SCD: variants seen among roughly 807,000 people sequenced by gnomAD.
SCD encodes the protein stearoyl-CoA desaturase, also known as acyl-CoA desaturase.
SCD carries 4 observed loss-of-function variants against 35.7 expected under a neutral mutation model. The observed-to-expected ratio is 0.11, with a 90% CI of 0.06 to 0.26. The LOEUF (loss-of-function observed/expected upper bound fraction) is 0.26, where lower values mean the gene tolerates loss of function less well. SCD is among the 10% of genes least tolerant of loss of function. The pLI is 1.00. For synonymous variants in SCD, 150 were observed against 170.2 expected, an observed-to-expected ratio of 0.88 and a Z score of 0.92; for missense variants, 282 against 460.7, an observed-to-expected ratio of 0.61 and a Z score of 3.55.
At chr10:100,355,555 A>G (rs915217253) in intron 4 of SCD, among the ~76,000 whole-genome samples, 1 of 152,234 alleles carries the variant, frequency 6.6e-6, no homozygotes, top group Non-Finnish European at 1.5e-5. Flanking sequence ...TTTGAACTGC[A>G]ATGTGGCATA....
intron 2 of SCD, among the ~76,000 whole-genome samples, chr10:100,349,109 A>G (rs1849844189): frequency 6.6e-6 from 1 of 152,066 alleles, no homozygotes; most frequent in South Asian, 2.1e-4. Context: ...GCACCTTCCA[A>G]CACCAGTCCT....
In SCD at chr10:100,352,521, G is replaced by A. The variant is rs201524958; in HGVS notation, c.441+25G>A. On this transcript the variant is annotated intron_variant, in intron 3 of 5. Transcript: ENST00000370355. This position sits in a 1 kb window ranked among gnomAD's most constrained non-coding sequence, Gnocchi z 4.2. Reference sequence around the variant, plus strand: ...GGTAAGAAGTTGTCTCTGCTCAGCTGTTTGTCCTCCACACTATTAATGATC... The same window carrying A: ...GGTAAGAAGTTGTCTCTGCTCAGCTATTTGTCCTCCACACTATTAATGATC... 95 of 1,610,326 alleles carry A rather than the reference G, an allele frequency of 5.9e-5. No homozygotes were observed. The East Asian group carries it at 8.7e-4, about 15-fold the overall frequency.
chr10:100,347,957 A>C, intron 1 of SCD, 107 bp from the exon 2 acceptor site: 2 of 1,118,242 alleles, frequency 1.8e-6, no homozygotes, highest in East Asian at 4.7e-5. Context: ...GGCGCTGCGG[A>C]AGGGTCCGTA....
rs1263968441 is a variant in SCD, at chr10:100,361,330, G to A, written c.*397G>A. 5.3e-6 allele frequency: 1 copy of A among 189,624 alleles called. No homozygotes were observed. The highest frequency in any genetic ancestry group is 2.4e-5 in the African/African-American group (1 of 42,200). 11.7% of individuals were successfully genotyped at this position (189,624 alleles called of 1,614,324 possible). On this transcript the variant is annotated 3_prime_UTR_variant, in exon 6 of 6. Coordinates refer to ENST00000370355, the MANE Select transcript of SCD (RefSeq NM_005063.5). Reference sequence around the variant, plus strand: ...TAACTCTCTTTCCTTGAGCTGTTGTGAGCTTTGAAGTAGGTGGCTTGAGCT... The same window carrying A: ...TAACTCTCTTTCCTTGAGCTGTTGTAAGCTTTGAAGTAGGTGGCTTGAGCT...
intron 5 of SCD, among the ~76,000 whole-genome samples, chr10:100,357,642 TTTTC>T (rs1196828789): frequency 3.3e-5 from 5 of 152,228 alleles, no homozygotes; most frequent in African/African-American, 4.8e-5. Context: ...TTTCCTTTCA[TTTTC>T]TTTCTTTTCT....
At chr10:100,349,198 A>G (rs1297737174) in intron 2 of SCD, among the ~76,000 whole-genome samples, 1 of 152,156 alleles carries the variant, frequency 6.6e-6, no homozygotes, top group Non-Finnish European at 1.5e-5. Context: ...AATGAGGGAG[A>G]CAGTTCCCAG....
At chr10:100,348,577 G>T (rs1374028189) in intron 2 of SCD, among the ~76,000 whole-genome samples, 6 of 113,864 alleles carry the variant, frequency 5.3e-5, no homozygotes, top group Admixed American at 8.1e-5. Flanking sequence ...GTGCTTGTGG[G>T]CTTTGAAGTG....
In SCD at chr10:100,347,430, A is replaced by G. The variant is rs1255362632; in HGVS notation, c.-75A>G. 12 of 1,519,670 alleles carry G rather than the reference A, an allele frequency of 7.9e-6. No homozygotes were observed. The highest frequency in any genetic ancestry group is 3.8e-5 in the Admixed American group (2 of 52,572). The allele number at this position is 1,519,670 out of a possible 1,614,324, so 94.1% of individuals were successfully genotyped here. On this transcript the variant is annotated 5_prime_UTR_variant, in exon 1 of 6. Transcript: ENST00000370355. Reference sequence around the variant, plus strand: ...GCGTACCGGCGGGCTTCGAAACCGCAGTCCTCCGGCGACCCCGAACTCCGC... The same window carrying G: ...GCGTACCGGCGGGCTTCGAAACCGCGGTCCTCCGGCGACCCCGAACTCCGC...
In SCD at chr10:100,347,291, A is replaced by T. The variant is rs1316022588; in HGVS notation, c.-214A>T. On this transcript the variant is annotated 5_prime_UTR_variant, in exon 1 of 6. Transcript: ENST00000370355. Reference sequence around the variant, plus strand: ...GCGGATAAAAGGGGGCTGAGGAAATACCGGACACGGTCACCCGTTGCCAGC... The same window carrying T: ...GCGGATAAAAGGGGGCTGAGGAAATTCCGGACACGGTCACCCGTTGCCAGC... The T allele has an allele frequency of 6.5e-6, 4 of 618,334 alleles. No individual in the cohort carries two copies. The highest frequency in any genetic ancestry group is 1.2e-5 in the Non-Finnish European group (4 of 344,948). 38.3% of individuals were successfully genotyped at this position (618,334 alleles called of 1,614,324 possible).
Position 100,360,917 on chromosome 10 carries a change from A to T in SCD, c.1064A>T (p.Asn355Ile). The T allele has an allele frequency of 6.2e-7, 1 of 1,613,972 alleles. No individual in the cohort carries two copies. The highest frequency in any genetic ancestry group is 8.5e-7 in the Non-Finnish European group (1 of 1,179,846). ...LARIKRTGDG[N>I]YKSG ...AGGATTAAAAGAACCGGAGATGGAA[A>T]CTACAAGAGTGGCTGAGTTTGGGGT... Residue 355 changes from asparagine (N) to isoleucine (I), a missense_variant, in exon 6 of 6, where the codon AAC becomes ATC. Asn to Ile is a moderately radical substitution (Grantham distance 149). This residue lies in a region of SCD where 205 missense variants were observed against 372.3 expected (regional missense o/e 0.55). Coordinates refer to ENST00000370355, the MANE Select transcript of SCD (RefSeq NM_005063.5).
At chr10:100,358,578 G>A (rs1309325158) in intron 5 of SCD, among the ~76,000 whole-genome samples, 18 of 127,276 alleles carry the variant, frequency 1.4e-4, no homozygotes, top group Admixed American at 1.3e-3. Flanking sequence ...CGGCCTGGGC[G>A]ACAGAGCGAG....
chr10:100,348,766 A>G (rs639060), intron 2 of SCD, among the ~76,000 whole-genome samples: 9,870 of 152,264 alleles, frequency 0.065, 731 homozygotes, highest in African/African-American at 0.18. Context: ...ATAGGCTAGC[A>G]CAAGGGAAAC....
At position 100,347,372 on chromosome 10, in the gene SCD, A is replaced by C; in HGVS notation, c.-133A>C. The C allele has an allele frequency of 1.0e-6, 1 of 1,001,864 alleles. No homozygotes were observed. The highest frequency in any genetic ancestry group is 1.5e-6 in the Non-Finnish European group (1 of 646,072). 62.1% of individuals were successfully genotyped at this position (1,001,864 alleles called of 1,614,324 possible). ...TCCACGCACCGCGGCTAGCGCCGAC[A>C]ACCAGCTAGCGTGCAAGGCGCCGCG... On this transcript the variant is annotated 5_prime_UTR_variant, in exon 1 of 6. Coordinates refer to ENST00000370355, the MANE Select transcript of SCD (RefSeq NM_005063.5).
chr10:100,352,446 C>T lies in SCD; in HGVS notation c.391C>T (p.Arg131Trp), dbSNP rs201095409. The change falls in exon 3 of 6, where the codon CGG becomes TGG. Residue 131 changes from arginine (R) to tryptophan (W), a missense_variant. Transcript: ENST00000370355. The surrounding 1 kb of genome is among the most constrained non-coding windows in gnomAD (Gnocchi z 4.2). ...RLWSHRSYKA[R>W]LPLRLFLIIA... Reference sequence around the variant, plus strand: ...GTGGAGCCACCGCTCTTACAAAGCTCGGCTGCCCCTACGGCTCTTTCTGAT... The same window carrying T: ...GTGGAGCCACCGCTCTTACAAAGCTTGGCTGCCCCTACGGCTCTTTCTGAT... 1 of 1,614,098 alleles carries T rather than the reference C, an allele frequency of 6.2e-7. No individual in the cohort carries two copies. The highest frequency in any genetic ancestry group is 1.3e-5 in the African/African-American group (1 of 75,046).
chr10:100,354,276 G>A, intron 3 of SCD, 151 bp from the exon 4 acceptor site: 1 of 677,688 alleles, frequency 1.5e-6, no homozygotes, highest in Non-Finnish European at 2.5e-6. Flanking sequence ...GAGAAGAAGG[G>A]AGGCAACTCC....
At chr10:100,351,478 T>C (rs1364175810) in intron 2 of SCD, among the ~76,000 whole-genome samples, 4 of 152,112 alleles carry the variant, frequency 2.6e-5, no homozygotes, top group Non-Finnish European at 4.4e-5. Flanking sequence ...CTGTACAAAT[T>C]GGATTTATGC....
intron 5 of SCD, among the ~76,000 whole-genome samples, chr10:100,359,109 A>G (rs1849962554): frequency 6.6e-6 from 1 of 152,122 alleles, no homozygotes; most frequent in Non-Finnish European, 1.5e-5. Flanking sequence ...TGTTTCCTGT[A>G]TCGCAAATGG....
chr10:100,358,824 A>G (rs1849959452), intron 5 of SCD, among the ~76,000 whole-genome samples: 1 of 151,284 alleles, frequency 6.6e-6, no homozygotes, highest in Admixed American at 6.6e-5. Context: ...GCTACTCAGG[A>G]GGCTGAGGCA....
In SCD at chr10:100,354,424, C is replaced by T. The variant is rs747671019; in HGVS notation, c.442-3C>T. ...CTTACATTCCTCTTCTCTCTCTCCC[C>T]AGAATGATGTCTATGAATGGGCTCG... is the stretch of plus-strand genomic sequence containing the variant. On this transcript the variant is annotated splice_polypyrimidine_tract_variant and splice_region_variant and intron_variant, in intron 3 of 5. Transcript: ENST00000370355. 1 of 1,612,890 alleles carries T rather than the reference C, an allele frequency of 6.2e-7. No homozygotes were observed. Among genetic ancestry groups the T allele is most frequent in the South Asian group, 1.1e-5 (1 of 91,048 alleles).
Sources: gnomAD v4.1 joint callset for allele counts (sites outside exome capture counted in the v4.1 genomes callset) on GRCh38, gnomAD v4.1.1 for gene constraint, gnomAD v4.1.1 regional missense constraint, Gnocchi (gnomAD v3.1) non-coding constraint, MANE v1.5 for transcripts, NCBI Gene and HGNC (gene_info 2026-07-23, HGNC 2026-07-21) for gene names.